Variants in GNAZ observed in about 807,000 individuals in gnomAD.
GNAZ encodes guanine nucleotide-binding protein G(z) subunit alpha.
GNAZ carries 3 observed loss-of-function variants against 25.4 expected under a neutral mutation model. The observed-to-expected ratio is 0.12, with a 90% CI of 0.05 to 0.30. The LOEUF (loss-of-function observed/expected upper bound fraction) is 0.30, where lower values mean the gene tolerates loss of function less well. Ranked by LOEUF, GNAZ falls within the 10% of genes least tolerant of loss-of-function variation. GNAZ has a pLI of 1.00. For synonymous variants in GNAZ, 211 were observed against 205.7 expected (o/e 1.03, Z -0.22); for missense variants, 241 against 501.8 (o/e 0.48, Z 4.97).
intron 2 of GNAZ, among the ~76,000 whole-genome samples, chr22:23,117,620 C>T (rs1023147633): frequency 2.0e-5 from 3 of 152,236 alleles, no homozygotes; most frequent in African/African-American, 7.2e-5. Context: ...GGAGAGGGCC[C>T]ACTGGGGTGC....
chr22:23,076,163 A>G (rs1368244676), intron 1 of GNAZ, among the ~76,000 whole-genome samples: 1 of 152,176 alleles, frequency 6.6e-6, no homozygotes, highest in African/African-American at 2.4e-5. Context: ...TATGTAGAAC[A>G]GCGCCATGTT....
intron 1 of GNAZ, among the ~76,000 whole-genome samples, chr22:23,087,330 G>A (rs1210323029): frequency 2.0e-5 from 3 of 152,206 alleles, no homozygotes; most frequent in Non-Finnish European, 2.9e-5. Flanking sequence ...GCTGGGCGTG[G>A]TGGCGCGTGC....
intron 2 of GNAZ, among the ~76,000 whole-genome samples, chr22:23,107,243 T>C (rs2069510004): frequency 6.6e-6 from 1 of 152,142 alleles, no homozygotes; most frequent in Non-Finnish European, 1.5e-5. Flanking sequence ...TGGACTCGGC[T>C]GGAACACACC....
intron 1 of GNAZ, among the ~76,000 whole-genome samples, chr22:23,074,754 C>G (rs964147336): frequency 6.6e-6 from 1 of 152,218 alleles, no homozygotes; most frequent in East Asian, 1.9e-4. Flanking sequence ...AGTGGCGCCT[C>G]GGGAGGCTGG....
intron 1 of GNAZ, among the ~76,000 whole-genome samples, chr22:23,091,687 T>C (rs1601783996): frequency 2.0e-5 from 3 of 151,878 alleles, no homozygotes; most frequent in African/African-American, 7.3e-5. Context: ...TGGACCTGCA[T>C]ACACACACAC....
At chr22:23,097,460 T>C (rs756975272) in intron 2 of GNAZ, among the ~76,000 whole-genome samples, 10 of 152,210 alleles carry the variant, frequency 6.6e-5, no homozygotes, top group Non-Finnish European at 1.5e-4. Context: ...GATCTTTGGC[T>C]TTCCTCAGGC....
intron 2 of GNAZ, among the ~76,000 whole-genome samples, chr22:23,117,002 C>T (rs776286568): frequency 2.0e-5 from 3 of 152,156 alleles, no homozygotes; most frequent in Non-Finnish European, 2.9e-5. Flanking sequence ...CTGGAATATG[C>T]GCGCACCTGC....
At chr22:23,083,391 G>A (rs898868750) in intron 1 of GNAZ, among the ~76,000 whole-genome samples, 1 of 152,124 alleles carries the variant, frequency 6.6e-6, no homozygotes, top group Non-Finnish European at 1.5e-5. Context: ...TGGACTGCAG[G>A]GTGACCCCTT....
At chr22:23,096,501 A>G (rs917609861) in intron 2 of GNAZ, 83 bp downstream of exon 2, 15 of 1,397,644 alleles carry the variant, frequency 1.1e-5, no homozygotes, top group Admixed American at 2.1e-5. Context: ...GGTCCAGGAC[A>G]GTCTGCAGCC....
intron 1 of GNAZ, among the ~76,000 whole-genome samples, chr22:23,073,303 G>T (rs564844556): frequency 6.6e-6 from 1 of 152,220 alleles, no homozygotes; most frequent in Non-Finnish European, 1.5e-5. Flanking sequence ...AGCACAAAGC[G>T]AAATGAACAG....
chr22:23,099,592 G>C (rs866493600), intron 2 of GNAZ, among the ~76,000 whole-genome samples: 2 of 152,228 alleles, frequency 1.3e-5, no homozygotes, highest in African/African-American at 4.8e-5. Context: ...CACAGCTGGC[G>C]CTGGCGGGCC....
intron 2 of GNAZ, among the ~76,000 whole-genome samples, chr22:23,107,377 C>A (rs2069514193): frequency 6.6e-6 from 1 of 152,190 alleles, no homozygotes; most frequent in Non-Finnish European, 1.5e-5. Context: ...CCTACATGGG[C>A]AGCTGAGCAG....
chr22:23,073,770 G>A (rs1367100715), intron 1 of GNAZ, among the ~76,000 whole-genome samples: 3 of 152,200 alleles, frequency 2.0e-5, no homozygotes, highest in African/African-American at 4.8e-5. Context: ...ATTTACCAGC[G>A]CCTGCTGCAT....
chr22:23,097,285 T>C (rs760787482), intron 2 of GNAZ, among the ~76,000 whole-genome samples: 8 of 152,210 alleles, frequency 5.3e-5, no homozygotes, highest in Non-Finnish European at 1.2e-4. Context: ...AGCACTGGCC[T>C]CCGAGGTCAC....
chr22:23,078,873 G>A (rs1287578417), intron 1 of GNAZ, among the ~76,000 whole-genome samples: 2 of 152,220 alleles, frequency 1.3e-5, no homozygotes, highest in Non-Finnish European at 2.9e-5. Flanking sequence ...GGGCTTAGTC[G>A]TGGGGCAGCA....
Position 23,123,851 on chromosome 22 carries a change from G to A in GNAZ, c.*420G>A, listed in dbSNP as rs1344331689. The A allele has an allele frequency of 4.5e-6, 1 of 224,272 alleles. No homozygotes were observed. Among genetic ancestry groups the A allele is most frequent in the Non-Finnish European group, 8.9e-6 (1 of 112,226 alleles). The allele number at this position is 224,272 out of a possible 1,614,324, so 13.9% of individuals were successfully genotyped here. ...GCCAACTGCACCCCTGTCGCCTGGA[G>A]GAGGGCCAGCTCGCTGCCCGAGCTC... On this transcript the variant is annotated 3_prime_UTR_variant, in exon 3 of 3. Transcript: ENST00000615612.
At chr22:23,085,521 C>T (rs1415043461) in intron 1 of GNAZ, among the ~76,000 whole-genome samples, 2 of 152,194 alleles carry the variant, frequency 1.3e-5, no homozygotes, top group Non-Finnish European at 2.9e-5. Flanking sequence ...ACGGGAGAAG[C>T]AGTGGAGGAT....
chr22:23,112,260 C>G (rs1056190701), intron 2 of GNAZ, among the ~76,000 whole-genome samples: 1 of 152,244 alleles, frequency 6.6e-6, no homozygotes, highest in African/African-American at 2.4e-5. Context: ...CAGCCCCAGG[C>G]CCTGCCTGGG....
At chr22:23,072,306 G>C (rs1301065836) in intron 1 of GNAZ, among the ~76,000 whole-genome samples, 2 of 152,134 alleles carry the variant, frequency 1.3e-5, no homozygotes, top group Non-Finnish European at 2.9e-5. Flanking sequence ...GGGTGCAGTG[G>C]GGGTGTGGAT....
Sources: gnomAD v4.1 joint callset for allele counts (sites outside exome capture counted in the v4.1 genomes callset) on GRCh38, gnomAD v4.1.1 for gene constraint, MANE v1.5 for transcripts, NCBI Gene and HGNC (gene_info 2026-07-23, HGNC 2026-07-21) for gene names.